The following GABRR2 variants were observed in gnomAD, a reference collection of about 807,000 sequenced individuals.
The protein encoded by GABRR2 is gamma-aminobutyric acid receptor subunit rho-2.
Under a neutral mutation model 47.0 loss-of-function variants are expected in GABRR2, and 36 were observed. The ratio of observed to expected loss-of-function variants is 0.77; its 90% CI spans 0.59 to 1.01. The LOEUF (loss-of-function observed/expected upper bound fraction) is 1.01. GABRR2 is among the 50% of genes least tolerant of loss of function. The probability of loss-of-function intolerance (pLI) is 0.00; values close to 1 mark genes in which losing one functional copy is unlikely to be tolerated. For synonymous variants in GABRR2, 204 were observed against 227.5 expected (o/e 0.90, Z 0.93); for missense variants, 587 against 594.6 (o/e 0.99, Z 0.13).
Position 89,257,970 on chromosome 6 carries a change from C to T in GABRR2, c.1098G>A (p.Met366Ile). ...ERKLREKFPC[M>I]CGMLHSKTMM... Reference sequence around the variant, plus strand: ...TGGTTTTTGAATGAAGCATTCCACACATGCACGGGAACTATGGGCAGCAAG... The same window carrying T: ...TGGTTTTTGAATGAAGCATTCCACATATGCACGGGAACTATGGGCAGCAAG... Residue 366 changes from methionine (M) to isoleucine (I), a missense_variant, in exon 9 of 9, where the codon ATG becomes ATA. Coordinates refer to ENST00000402938, the MANE Select transcript of GABRR2 (RefSeq NM_002043.5). 1 of 1,613,222 alleles carries T rather than the reference C, an allele frequency of 6.2e-7. No homozygotes were observed. Among genetic ancestry groups the T allele is most frequent in the Non-Finnish European group, 8.5e-7 (1 of 1,179,488 alleles).
intron 8 of GABRR2, among the ~76,000 whole-genome samples, chr6:89,259,351 G>T (rs1459509323): frequency 6.6e-6 from 1 of 152,140 alleles, no homozygotes; most frequent in Non-Finnish European, 1.5e-5. Context: ...AGAAATAGAT[G>T]AATGATTTTA....
At chr6:89,268,181 A>G (rs777484503) in intron 4 of GABRR2, 85 bp from the exon 5 acceptor site, 9 of 950,644 alleles carry the variant, frequency 9.5e-6, no homozygotes, top group Non-Finnish European at 1.5e-5. Flanking sequence ...ACAGCACACA[A>G]CTGAGTAGCT....
chr6:89,277,221 C>T (rs1582447983), intron 2 of GABRR2, among the ~76,000 whole-genome samples: 2 of 152,260 alleles, frequency 1.3e-5, no homozygotes, highest in Admixed American at 6.5e-5. Flanking sequence ...GGGCTCTTCC[C>T]CACTTTGCTC....
chr6:89,257,664 G>T lies in GABRR2; in HGVS notation c.*6C>A. 1 of 1,605,564 alleles carries T rather than the reference G, an allele frequency of 6.2e-7. No individual in the cohort carries two copies. Among genetic ancestry groups the T allele is most frequent in the Non-Finnish European group, 8.5e-7 (1 of 1,175,012 alleles). On this transcript the variant is annotated 3_prime_UTR_variant, in exon 9 of 9. Transcript: ENST00000402938. ...ATGCCCTCTTCTAGGAACAGCCTTG[G>T]AGCCCCTAGGAAAACACTGACCAAT... is the stretch of plus-strand genomic sequence containing the variant.
intron 2 of GABRR2, among the ~76,000 whole-genome samples, chr6:89,273,461 C>T (rs1411960111): frequency 1.3e-5 from 2 of 152,326 alleles, no homozygotes; most frequent in African/African-American, 4.8e-5. Flanking sequence ...TCTCAAACTC[C>T]TGACCAAAAG....
rs1773568383 is a variant in GABRR2 at position 89,254,805 on chromosome 6, A to T, written c.*2865T>A. Among the ~76,000 whole-genome samples the T allele has an allele frequency of 6.6e-6, 1 of 152,116 alleles. No homozygotes were observed. The highest frequency in any genetic ancestry group is 6.6e-5 in the Admixed American group (1 of 15,266). ...CCTCTTTAAATTTCCTACTTTTCTCAAGTAGTGTCAGACTAGTATACTGTA... is the reference window on the plus strand; with the variant it reads ...CCTCTTTAAATTTCCTACTTTTCTCTAGTAGTGTCAGACTAGTATACTGTA... On this transcript the variant is annotated 3_prime_UTR_variant, in exon 9 of 9. Coordinates refer to ENST00000402938, the MANE Select transcript of GABRR2 (RefSeq NM_002043.5).
chr6:89,308,271 A>G (rs1440746076), intron 1 of GABRR2, among the ~76,000 whole-genome samples: 1 of 152,160 alleles, frequency 6.6e-6, no homozygotes, highest in East Asian at 1.9e-4. Flanking sequence ...GCATAATTCA[A>G]TGGGAGGCCT....
intron 2 of GABRR2, among the ~76,000 whole-genome samples, chr6:89,295,996 AC>A (rs1774546483): frequency 6.6e-6 from 1 of 152,170 alleles, no homozygotes; most frequent in Non-Finnish European, 1.5e-5. Flanking sequence ...CTGTTTTGGT[AC>A]CAGTACCATG....
chr6:89,261,242 G>A (rs1330775625), intron 8 of GABRR2, among the ~76,000 whole-genome samples: 1 of 152,162 alleles, frequency 6.6e-6, no homozygotes, highest in Non-Finnish European at 1.5e-5. Context: ...TTTAAATATG[G>A]TCCAAAGTCC....
Position 89,264,439 on chromosome 6 carries a change from C to G in GABRR2, c.1059G>C (p.Glu353Asp), listed in dbSNP as rs761003779. 1 of 1,613,916 alleles carries G rather than the reference C, an allele frequency of 6.2e-7. No homozygotes were observed. Among genetic ancestry groups the G allele is most frequent in the Non-Finnish European group, 8.5e-7 (1 of 1,179,940 alleles). ...AAVNYLTTVQ[E>D]RKERKLREKF... ...TCTCCCGCAGCTTCCGTTCCTTGCG[C>G]TCCTGCACGGTGGTCAGGTAGTTGA... Residue 353 changes from glutamate (E) to aspartate (D), a missense_variant, in exon 8 of 9, where the codon GAG becomes GAC. By Grantham distance (45) the Glu-to-Asp change is conservative (BLOSUM62 2). Coordinates refer to ENST00000402938, the MANE Select transcript of GABRR2 (RefSeq NM_002043.5).
chr6:89,278,941 C>T (rs1034789497), intron 2 of GABRR2, among the ~76,000 whole-genome samples: 2 of 152,210 alleles, frequency 1.3e-5, no homozygotes, highest in Non-Finnish European at 2.9e-5. Flanking sequence ...ACTCAGGAAG[C>T]GGGCCCCTGA....
chr6:89,305,061 A>G (rs1049624153), intron 1 of GABRR2, among the ~76,000 whole-genome samples: 2 of 152,372 alleles, frequency 1.3e-5, no homozygotes, highest in East Asian at 3.9e-4. Context: ...AGATTGAATA[A>G]AGACAACGTG....
At chr6:89,312,986 C>T (rs944712536) in intron 1 of GABRR2, among the ~76,000 whole-genome samples, 4 of 152,184 alleles carry the variant, frequency 2.6e-5, no homozygotes, top group Admixed American at 2.0e-4. Flanking sequence ...AAAAGTGAGA[C>T]GGAGGTGCCG....
At chr6:89,290,951 A>G (rs2127843778) in intron 2 of GABRR2, among the ~76,000 whole-genome samples, 2 of 152,194 alleles carry the variant, frequency 1.3e-5, no homozygotes, top group South Asian at 4.2e-4. Flanking sequence ...GGGCTTTGCC[A>G]CAGCTGCTAC....
intron 2 of GABRR2, among the ~76,000 whole-genome samples, chr6:89,272,422 G>A (rs1192002283): frequency 6.6e-6 from 1 of 152,246 alleles, no homozygotes; most frequent in Admixed American, 6.5e-5. Flanking sequence ...CCTTGAGCTG[G>A]GTGATGGTTA....
intron 2 of GABRR2, among the ~76,000 whole-genome samples, chr6:89,290,560 G>A (rs996141331): frequency 9.2e-5 from 14 of 152,220 alleles, no homozygotes; most frequent in African/African-American, 3.4e-4. Flanking sequence ...AGGAGAAGCA[G>A]GAGGGCAATC....
intron 8 of GABRR2, among the ~76,000 whole-genome samples, chr6:89,263,013 G>T (rs549207925): frequency 2.8e-4 from 42 of 152,352 alleles, no homozygotes; most frequent in African/African-American, 9.6e-4. Context: ...GCATGGCTTT[G>T]TAAAATCTCC....
At chr6:89,258,411 A>G (rs1773657904) in intron 8 of GABRR2, among the ~76,000 whole-genome samples, 1 of 152,112 alleles carries the variant, frequency 6.6e-6, no homozygotes, top group African/African-American at 2.4e-5. Flanking sequence ...GCATGAATCA[A>G]AAGATGATTA....
chr6:89,293,004 C>T lies in GABRR2; in HGVS notation c.220+6755G>A, dbSNP rs544453510. 2.6e-5 allele frequency among the ~76,000 whole-genome samples: 4 copies of T among 151,774 alleles called. No individual in the cohort carries two copies. In the South Asian group the frequency reaches 6.3e-4, roughly 24 times the overall value. Reference sequence around the variant, plus strand: ...GGCCTTGAACAGATATTTGCACATCCATATTCATAGCAGCACTATTCACAA... The same window carrying T: ...GGCCTTGAACAGATATTTGCACATCTATATTCATAGCAGCACTATTCACAA... On this transcript the variant is annotated intron_variant, in intron 2 of 8. Coordinates refer to ENST00000402938, the MANE Select transcript of GABRR2 (RefSeq NM_002043.5).
Sources: allele counts gnomAD v4.1 joint callset (sites outside exome capture counted in the v4.1 genomes callset), GRCh38; gene constraint gnomAD v4.1.1; transcripts MANE v1.5; gene names NCBI Gene and HGNC (gene_info 2026-07-23, HGNC 2026-07-21).